FBXO42: variants seen among roughly 807,000 people sequenced by gnomAD.
The protein encoded by FBXO42 is F-box only protein 42.
FBXO42 carries 12 observed loss-of-function variants against 71.7 expected under a neutral mutation model. The observed-to-expected ratio is 0.17, with a 90% CI of 0.11 to 0.27. The LOEUF is 0.27. Ranked by LOEUF, FBXO42 falls within the 10% of genes least tolerant of loss-of-function variation. The pLI is 1.00. For missense variants in FBXO42, 707 were observed against 911.9 expected, an observed-to-expected ratio of 0.78 and a Z score of 2.89; for synonymous variants, 325 against 327.5, an observed-to-expected ratio of 0.99 and a Z score of 0.08.
At chr1:16,307,310 G>A (rs745932620) in intron 2 of FBXO42, among the ~76,000 whole-genome samples, 2 of 152,088 alleles carry the variant, frequency 1.3e-5, no homozygotes, top group African/African-American at 2.4e-5. Flanking sequence ...ACCAGCCCGG[G>A]CAACATAGCA....
chr1:16,326,683 C>CAAAAAAAAAAAAAAAAAAAAAAAAAAA, intron 1 of FBXO42, among the ~76,000 whole-genome samples: 1 of 103,116 alleles, frequency 9.7e-6, no homozygotes, highest in Non-Finnish European at 2.0e-5. Context: ...AACCCTGTCT[C>CAAAAAAAAAAAAAAAAAAAAAAAAAAA]AAAAAAAAAA....
At chr1:16,317,803 C>A (rs921240627) in intron 1 of FBXO42, among the ~76,000 whole-genome samples, 2 of 151,518 alleles carry the variant, frequency 1.3e-5, no homozygotes, top group Non-Finnish European at 2.9e-5. Context: ...ATCTGTGGTC[C>A]CAGCTACCCA....
chr1:16,336,226 C>T (rs576272531), intron 1 of FBXO42, among the ~76,000 whole-genome samples: 344 of 151,992 alleles, frequency 2.3e-3, no homozygotes, highest in African/African-American at 7.9e-3. Context: ...GCATGAGCCA[C>T]CGCGTCTGGC....
At chr1:16,342,760 T>TG (rs1302988442) in intron 1 of FBXO42, among the ~76,000 whole-genome samples, 2 of 151,904 alleles carry the variant, frequency 1.3e-5, no homozygotes, top group African/African-American at 2.4e-5. Flanking sequence ...TGTTAGGAGG[T>TG]GGGGCCTACT....
chr1:16,288,980 G>A (rs1214591601), intron 4 of FBXO42, among the ~76,000 whole-genome samples: 2 of 150,544 alleles, frequency 1.3e-5, no homozygotes, highest in African/African-American at 2.4e-5. Context: ...AAAAAGTTTT[G>A]TCAGTTTCTT....
chr1:16,287,631 T>G (rs1365843767), intron 4 of FBXO42, among the ~76,000 whole-genome samples: 1 of 152,222 alleles, frequency 6.6e-6, no homozygotes, highest in Non-Finnish European at 1.5e-5. Flanking sequence ...CTTGCTATGT[T>G]GCTCAGGCTG....
Position 16,315,276 on chromosome 1 carries a change from G to C in FBXO42, c.143C>G (p.Ser48Trp), listed in dbSNP as rs139997758. The C allele has an allele frequency of 6.2e-7, 1 of 1,614,060 alleles. No individual in the cohort carries two copies. The highest frequency in any genetic ancestry group is 1.1e-5 in the South Asian group (1 of 91,076). Residue 48 changes from serine to tryptophan, a missense_variant, in exon 2 of 10, where the codon TCG becomes TGG. Ser to Trp is a radical substitution (Grantham distance 177, BLOSUM62 -3). This residue lies in a region of FBXO42 where 188 missense variants were observed against 230.5 expected (regional missense o/e 0.82). Transcript: ENST00000375592. Reference protein sequence around the residue: ...AEETRHNRSMSELPEEVLEYI... With the variant: ...AEETRHNRSMWELPEEVLEYI... ...CTCCAAAACCTCTTCTGGCAGCTCC[G>C]ACATGGACCTATTATGTCTAGTCTC...
intron 1 of FBXO42, among the ~76,000 whole-genome samples, chr1:16,326,591 G>A (rs757835469): frequency 3.3e-5 from 5 of 151,022 alleles, no homozygotes; most frequent in Non-Finnish European, 7.4e-5. Flanking sequence ...GGCCGAAGTG[G>A]GAGGATCACT....
chr1:16,315,399 C>T lies in FBXO42; in HGVS notation c.20G>A (p.Ser7Asn), dbSNP rs1355566144. The change falls in exon 2 of 10, where the codon AGT becomes AAT. Residue 7 changes from serine to asparagine, a missense_variant. This residue lies in a region of FBXO42 where 188 missense variants were observed against 230.5 expected (regional missense o/e 0.82). Transcript: ENST00000375592. ...CACAGCCATGAAACTGTCATCTTCA[C>T]TGTCCGAGGAGCTGGCCATGACATT... is the stretch of plus-strand genomic sequence containing the variant. MASSSD[S>N]EDDSFMAVDQ... 9.9e-6 allele frequency: 16 copies of T among 1,614,160 alleles called. No homozygotes were observed. In the South Asian group the frequency reaches 1.8e-4, roughly 18 times the overall value.
Position 16,294,731 on chromosome 1 carries a change from T to C in FBXO42, c.502+52A>G, listed in dbSNP as rs972194834. 4 of 1,592,550 alleles carry C rather than the reference T, an allele frequency of 2.5e-6. No homozygotes were observed. The East Asian group carries it at 9.0e-5, about 36-fold the overall frequency. On this transcript the variant is annotated intron_variant, in intron 4 of 9. Transcript: ENST00000375592. ...CAAAAATGATCAGGTAGAGTTTCCA[T>C]GCCAAGGGAGTCACCTGGTAAGGAG...
chr1:16,251,179 C>T lies in FBXO42; in HGVS notation c.1645G>A (p.Gly549Arg). The change falls in exon 10 of 10, where the codon GGG (glycine) becomes AGG (arginine). Residue 549 changes from glycine (G) to arginine (R), a missense_variant. Physicochemically the swap from Gly to Arg is moderately radical, Grantham distance 125. Around this residue, in one of 5 missense-constraint regions of FBXO42, gnomAD observed 482 missense variants for 587.1 expected, o/e 0.82. Coordinates refer to ENST00000375592, the MANE Select transcript of FBXO42 (RefSeq NM_018994.3). The surrounding 1 kb of genome is among the most constrained non-coding windows in gnomAD (Gnocchi z 4.5). ...TPPHVASALA[G>R]AVSPGALRRS... Reference sequence around the variant, plus strand: ...CGCAGGGCACCTGGGGAGACGGCCCCTGCAAGGGCACTGGCCACGTGAGGT... The same window carrying T: ...CGCAGGGCACCTGGGGAGACGGCCCTTGCAAGGGCACTGGCCACGTGAGGT... 1 of 1,614,188 alleles carries T rather than the reference C, an allele frequency of 6.2e-7. No individual in the cohort carries two copies. The highest frequency in any genetic ancestry group is 1.1e-5 in the South Asian group (1 of 91,086).
chr1:16,338,345 C>T lies in FBXO42; in HGVS notation c.-18+13910G>A, dbSNP rs1171023689. ...CTGTAGCCTGAGGAACAGAGTATGG[C>T]CCTATCTCCAAAAAAAAAAAAAAAA... On this transcript the variant is annotated intron_variant, in intron 1 of 9. Transcript: ENST00000375592. Among the ~76,000 whole-genome samples, 6 of 125,080 alleles carry T rather than the reference C, an allele frequency of 4.8e-5. No individual in the cohort carries two copies. The East Asian group carries it at 1.4e-3, about 29-fold the overall frequency. The allele number at this position is 125,080 out of a possible 152,430, so 82.1% of individuals were successfully genotyped here.
At chr1:16,316,034 G>A (rs921438757) in intron 1 of FBXO42, among the ~76,000 whole-genome samples, 3 of 151,888 alleles carry the variant, frequency 2.0e-5, no homozygotes, top group Non-Finnish European at 4.4e-5. Context: ...GCTGGGCATG[G>A]TGGCACATGC....
chr1:16,280,573 C>T (rs1332955164), intron 4 of FBXO42, among the ~76,000 whole-genome samples: 2 of 152,116 alleles, frequency 1.3e-5, no homozygotes, highest in African/African-American at 4.8e-5. Flanking sequence ...ATACAAGATG[C>T]TAACATTAGG....
intron 4 of FBXO42, among the ~76,000 whole-genome samples, chr1:16,264,680 T>C (rs964885227): frequency 6.6e-6 from 1 of 152,276 alleles, no homozygotes; most frequent in African/African-American, 2.4e-5. Flanking sequence ...AAAGGCCTCC[T>C]AAATCGCACA....
At chr1:16,335,967 T>G (rs1466043283) in intron 1 of FBXO42, among the ~76,000 whole-genome samples, 1 of 152,036 alleles carries the variant, frequency 6.6e-6, no homozygotes, top group Non-Finnish European at 1.5e-5. Flanking sequence ...GTTTCGCTCT[T>G]GTTGCCCAGG....
At position 16,250,925 on chromosome 1, in the gene FBXO42, T is replaced by C. The variant is rs1210025724; in HGVS notation, c.1899A>G (p.Lys633=). 6.2e-7 allele frequency: 1 copy of C among 1,613,948 alleles called. No homozygotes were observed. Among genetic ancestry groups the C allele is most frequent in the Non-Finnish European group, 8.5e-7 (1 of 1,180,030 alleles). Residue 633 remains lysine, a synonymous_variant, in exon 10 of 10, where the codon AAA becomes AAG. Coordinates refer to ENST00000375592, the MANE Select transcript of FBXO42 (RefSeq NM_018994.3). This position sits in a 1 kb window ranked among gnomAD's most constrained non-coding sequence, Gnocchi z 4.7. ...HHPPQSLNVG[K]PLYQSMNCKP... is the part of the protein sequence containing the mutation. The stretch of plus-strand genomic sequence containing the variant: ...TGCAGTTCATACTCTGGTATAGGGG[T>C]TTGCCAACATTTAGGGACTGTGGAG...
chr1:16,275,852 A>C (rs887931203), intron 4 of FBXO42, among the ~76,000 whole-genome samples: 1 of 152,000 alleles, frequency 6.6e-6, no homozygotes, highest in African/African-American at 2.4e-5. Context: ...CTACTAAAAA[A>C]ATTAGCCAGG....
At chr1:16,352,047 A>G (rs1033578794) in intron 1 of FBXO42, among the ~76,000 whole-genome samples, 3 of 152,070 alleles carry the variant, frequency 2.0e-5, no homozygotes, top group Admixed American at 6.6e-5. Flanking sequence ...CTCCCAACCC[A>G]AGGGCTGGCT....
Sources: gnomAD v4.1 joint callset for allele counts (sites outside exome capture counted in the v4.1 genomes callset) on GRCh38, gnomAD v4.1.1 for gene constraint, gnomAD v4.1.1 regional missense constraint, Gnocchi (gnomAD v3.1) non-coding constraint, MANE v1.5 for transcripts, NCBI Gene and HGNC (gene_info 2026-07-23, HGNC 2026-07-21) for gene names.